The following SLCO3A1 variants were observed in gnomAD, a reference collection of about 807,000 sequenced individuals.
SLCO3A1 encodes PGE1 transporter.
In SLCO3A1, 27 loss-of-function variants were observed where a neutral mutation model predicts 63.1. That is an observed-to-expected ratio of 0.43 (90% CI 0.32 to 0.59). SLCO3A1 has a LOEUF of 0.59. SLCO3A1 is among the 20% of genes least tolerant of loss of function. The pLI is 0.09. For synonymous variants in SLCO3A1, 473 were observed against 409.9 expected, an observed-to-expected ratio of 1.15 and a Z score of -1.86; for missense variants, 773 against 945.8, an observed-to-expected ratio of 0.82 and a Z score of 2.40.
intron 2 of SLCO3A1, among the ~76,000 whole-genome samples, chr15:92,056,623 T>C (rs939252575): frequency 3.9e-5 from 6 of 152,232 alleles, no homozygotes; most frequent in Admixed American, 3.9e-4. Flanking sequence ...TCCAAAGCCA[T>C]GTTCCCTATA....
intron 2 of SLCO3A1, among the ~76,000 whole-genome samples, chr15:92,076,137 T>G (rs1285598228): frequency 1.3e-5 from 2 of 152,190 alleles, no homozygotes; most frequent in African/African-American, 2.4e-5. Context: ...CGTGTCCCCC[T>G]TAGTGATAAA....
Position 91,885,095 on chromosome 15 carries a change from C to G in SLCO3A1, c.181-30898C>G, listed in dbSNP as rs757241625. 8.5e-5 allele frequency among the ~76,000 whole-genome samples: 13 copies of G among 152,162 alleles called. No homozygotes were observed. The highest frequency in any genetic ancestry group is 2.0e-4 in the Admixed American group (3 of 15,268). Reference sequence around the variant, plus strand: ...AGCCTTTCCGTCCCATATAGGGACACAGAAAGGAGGTGATGGGGGTGGTGC... The same window carrying G: ...AGCCTTTCCGTCCCATATAGGGACAGAGAAAGGAGGTGATGGGGGTGGTGC... On this transcript the variant is annotated intron_variant, in intron 1 of 9. Transcript: ENST00000318445. The surrounding 1 kb of genome is among the most constrained non-coding windows in gnomAD (Gnocchi z 4.7).
At chr15:92,160,047 C>T (rs534004645) in intron 9 of SLCO3A1, among the ~76,000 whole-genome samples, 1 of 152,096 alleles carries the variant, frequency 6.6e-6, no homozygotes, top group Non-Finnish European at 1.5e-5. Context: ...AAAGCATTTA[C>T]TAGAGGTGTC....
chr15:91,967,549 G>A lies in SLCO3A1; in HGVS notation c.646+51091G>A, dbSNP rs545809734. 3.5e-4 allele frequency among the ~76,000 whole-genome samples: 54 copies of A among 152,284 alleles called. No individual in the cohort carries two copies. The highest frequency in any genetic ancestry group is 1.3e-3 in the African/African-American group (52 of 41,552). On this transcript the variant is annotated intron_variant, in intron 2 of 9. Coordinates refer to ENST00000318445, the MANE Select transcript of SLCO3A1 (RefSeq NM_013272.4). The surrounding 1 kb of genome is among the most constrained non-coding windows in gnomAD (Gnocchi z 4.4). ...CGCAGAAGCGTTGCCACAGGATAAA[G>A]ACAGCACTCGACATATAATAAAAAT... is the stretch of plus-strand genomic sequence containing the variant.
rs1428124914 is a variant in SLCO3A1, at chr15:92,163,549, AAAAAAT to A, written c.*415_*420del. 3 of 906,082 alleles carry A rather than the reference AAAAAAT, an allele frequency of 3.3e-6. No homozygotes were observed. The highest frequency in any genetic ancestry group is 3.1e-5 in the African/African-American group (1 of 31,976). 56.1% of individuals were successfully genotyped at this position (906,082 alleles called of 1,614,324 possible). A position where few individuals can be genotyped will look rare whatever the true frequency, so the allele number is the denominator to read the frequency against. On this transcript the variant is annotated 3_prime_UTR_variant, in exon 10 of 10. Transcript: ENST00000318445. The stretch of plus-strand genomic sequence containing the variant: ...TTTTAAAAGAAGTTTCCTAAAATAA[AAAAAAT>A]TAAAAAAAAAAAACCCACAAGTTGA...
intron 2 of SLCO3A1, among the ~76,000 whole-genome samples, chr15:91,988,160 G>A (rs534506166): frequency 2.0e-5 from 3 of 152,218 alleles, no homozygotes; most frequent in African/African-American, 7.2e-5. Flanking sequence ...TCTAGCACTT[G>A]GGCAGGCCAA....
intron 2 of SLCO3A1, among the ~76,000 whole-genome samples, chr15:92,037,153 T>C (rs78326260): frequency 0.026 from 3,957 of 152,256 alleles, 78 homozygotes; most frequent in Admixed American, 0.051. Flanking sequence ...TTCTCCATAG[T>C]TAGTTTCTCT....
intron 2 of SLCO3A1, among the ~76,000 whole-genome samples, chr15:92,048,772 C>T (rs1004616760): frequency 2.0e-5 from 3 of 152,118 alleles, no homozygotes; most frequent in East Asian, 1.9e-4. Context: ...GTGGCGGGCA[C>T]CTGTAATCCC....
chr15:91,970,569 C>G (rs117667979), intron 2 of SLCO3A1, among the ~76,000 whole-genome samples: 2 of 152,292 alleles, frequency 1.3e-5, no homozygotes, highest in Non-Finnish European at 2.9e-5. Context: ...AGGTAGGAGA[C>G]AAGTGGTATC....
Position 91,859,147 on chromosome 15 carries a change from A to T in SLCO3A1, c.180+5059A>T, listed in dbSNP as rs1004497993. Among the ~76,000 whole-genome samples, 3 of 152,154 alleles carry T rather than the reference A, an allele frequency of 2.0e-5. No individual in the cohort carries two copies. Among genetic ancestry groups the T allele is most frequent in the African/African-American group, 7.2e-5 (3 of 41,430 alleles). Reference sequence around the variant, plus strand: ...GCATACAATGAATATTGTATGCCATACTTTTTGAAGGTGCGAAGGGACATT... The same window carrying T: ...GCATACAATGAATATTGTATGCCATTCTTTTTGAAGGTGCGAAGGGACATT... On this transcript the variant is annotated intron_variant, in intron 1 of 9. Transcript: ENST00000318445. This position sits in a 1 kb window ranked among gnomAD's most constrained non-coding sequence, Gnocchi z 5.1.
intron 2 of SLCO3A1, among the ~76,000 whole-genome samples, chr15:92,088,282 C>CT (rs1234225068): frequency 6.6e-6 from 1 of 152,318 alleles, no homozygotes; most frequent in East Asian, 1.9e-4. Context: ...TCATCTCTGC[C>CT]TGAGGGGCTT....
At chr15:91,913,006 G>A (rs192577688) in intron 1 of SLCO3A1, among the ~76,000 whole-genome samples, 6 of 152,172 alleles carry the variant, frequency 3.9e-5, no homozygotes, top group Admixed American at 6.6e-5. Context: ...TTTGTGTTGC[G>A]AAGGAAAGTA....
chr15:92,069,395 C>T (rs1388215101), intron 2 of SLCO3A1, among the ~76,000 whole-genome samples: 1 of 152,194 alleles, frequency 6.6e-6, no homozygotes, highest in South Asian at 2.1e-4. Flanking sequence ...ATTTTATGTA[C>T]AGGGGCCAAG....
chr15:92,041,392 C>T (rs924103571), intron 2 of SLCO3A1, among the ~76,000 whole-genome samples: 4 of 152,164 alleles, frequency 2.6e-5, no homozygotes, highest in African/African-American at 9.7e-5. Context: ...GGAGGTGAGA[C>T]TTCAGCACAT....
At chr15:92,138,853 T>C (rs2048091527) in intron 7 of SLCO3A1, among the ~76,000 whole-genome samples, 1 of 96,894 alleles carries the variant, frequency 1.0e-5, no homozygotes, top group Non-Finnish European at 1.9e-5. Flanking sequence ...TGAAGTTGCT[T>C]ATCAGCTTAA....
chr15:92,023,271 A>G lies in SLCO3A1; in HGVS notation c.647-71610A>G, dbSNP rs75282875. ...ATCCACCTTTCTTTACAGAACATAC[A>G]AGGAAAAGTCTAGTAGCTGTTTGCA... On this transcript the variant is annotated intron_variant, in intron 2 of 9. Coordinates refer to ENST00000318445, the MANE Select transcript of SLCO3A1 (RefSeq NM_013272.4). Among the ~76,000 whole-genome samples the G allele has an allele frequency of 5.2e-3, 795 of 152,252 alleles. 6 individuals carry two copies. The highest frequency in any genetic ancestry group is 0.018 in the African/African-American group (740 of 41,552).
intron 7 of SLCO3A1, among the ~76,000 whole-genome samples, chr15:92,140,564 T>C (rs1174955538): frequency 1.3e-5 from 2 of 152,210 alleles, no homozygotes; most frequent in East Asian, 1.9e-4. Flanking sequence ...ATCAGTCTAA[T>C]GTTGACAGTG....
intron 4 of SLCO3A1, among the ~76,000 whole-genome samples, chr15:92,106,168 A>G (rs1199382475): frequency 1.3e-5 from 2 of 152,264 alleles, no homozygotes; most frequent in Non-Finnish European, 2.9e-5. Context: ...TTCTGAAAAG[A>G]GACAAATTTA....
rs558680574 is a variant in SLCO3A1 at position 91,892,543 on chromosome 15, A to G, written c.181-23450A>G. ...TATTTTCCTGACCTGCATTTGTGACATGAGTAGGAGGTAAGAACAGCTTAT... is the reference window on the plus strand; with the variant it reads ...TATTTTCCTGACCTGCATTTGTGACGTGAGTAGGAGGTAAGAACAGCTTAT... On this transcript the variant is annotated intron_variant, in intron 1 of 9. Coordinates refer to ENST00000318445, the MANE Select transcript of SLCO3A1 (RefSeq NM_013272.4). 5.9e-5 allele frequency among the ~76,000 whole-genome samples: 9 copies of G among 152,292 alleles called. No homozygotes were observed. The South Asian group carries it at 1.9e-3, about 32-fold the overall frequency.
Sources: allele counts gnomAD v4.1 joint callset (sites outside exome capture counted in the v4.1 genomes callset), GRCh38; gene constraint gnomAD v4.1.1; non-coding constraint Gnocchi (gnomAD v3.1); transcripts MANE v1.5; gene names NCBI Gene and HGNC (gene_info 2026-07-23, HGNC 2026-07-21).